The following CSNK1G1 variants were observed in gnomAD, a reference collection of about 807,000 sequenced individuals.
CSNK1G1 encodes casein kinase I isoform gamma-1.
Under a neutral mutation model 59.6 loss-of-function variants are expected in CSNK1G1, and 22 were observed. The observed-to-expected ratio is 0.37, with a 90% CI of 0.26 to 0.53. The LOEUF (loss-of-function observed/expected upper bound fraction) is 0.53, where lower values mean the gene tolerates loss of function less well. Among genes scored for constraint, CSNK1G1 ranks in the 20% least tolerant of loss-of-function variants. The pLI is 0.89. For missense variants in CSNK1G1, 384 were observed against 519.5 expected (o/e 0.74, Z 2.54); for synonymous variants, 179 against 177.1 (o/e 1.01, Z -0.08).
intron 1 of CSNK1G1, among the ~76,000 whole-genome samples, chr15:64,324,675 A>G (rs929575543): frequency 6.6e-6 from 1 of 152,164 alleles, no homozygotes; most frequent in Non-Finnish European, 1.5e-5. Flanking sequence ...TCACCTTGTG[A>G]CTGTGTGAGT....
chr15:64,343,559 C>T (rs180815099), intron 1 of CSNK1G1, among the ~76,000 whole-genome samples: 1 of 152,152 alleles, frequency 6.6e-6, no homozygotes, highest in Admixed American at 6.5e-5. Context: ...AGATCCACTA[C>T]TTTAACTTTA....
Position 64,239,114 on chromosome 15 carries a change from A to G in CSNK1G1, c.292+12398T>C, listed in dbSNP as rs7178147. Reference sequence around the variant, plus strand: ...ACACAGATTCATCACACTCTTCCCAACCGGCACACTAAGACCCAACTGCAG... The same window carrying G: ...ACACAGATTCATCACACTCTTCCCAGCCGGCACACTAAGACCCAACTGCAG... On this transcript the variant is annotated intron_variant, in intron 4 of 11. Coordinates refer to ENST00000303052, the MANE Select transcript of CSNK1G1 (RefSeq NM_022048.5). Among the ~76,000 whole-genome samples, 1,273 of 152,178 alleles carry G rather than the reference A, an allele frequency of 8.4e-3. 18 individuals are homozygous for G. Among genetic ancestry groups the G allele is most frequent in the African/African-American group, 0.029 (1,196 of 41,506 alleles).
chr15:64,231,252 G>A (rs1056890761), intron 4 of CSNK1G1, among the ~76,000 whole-genome samples: 19 of 149,848 alleles, frequency 1.3e-4, no homozygotes, highest in African/African-American at 4.6e-4. Context: ...CTTGAGCCCA[G>A]GAGGTTGAGG....
chr15:64,214,178 C>T lies in CSNK1G1; in HGVS notation c.445-54G>A, dbSNP rs1243804597. On this transcript the variant is annotated intron_variant, in intron 5 of 11. Coordinates refer to ENST00000303052, the MANE Select transcript of CSNK1G1 (RefSeq NM_022048.5). The surrounding 1 kb of genome is among the most constrained non-coding windows in gnomAD (Gnocchi z 4.3). ...TGTAAAGAAGTATATCAGGAAAATA[C>T]ATCAAAACAGTTTCTTTAGCCAGAC... 5 of 1,284,226 alleles carry T rather than the reference C, an allele frequency of 3.9e-6. No individual in the cohort carries two copies. The highest frequency in any genetic ancestry group is 3.7e-4 in the Middle Eastern group (2 of 5,400). 79.6% of individuals were successfully genotyped at this position (1,284,226 alleles called of 1,614,324 possible).
chr15:64,287,787 G>A (rs2094239960), intron 2 of CSNK1G1, among the ~76,000 whole-genome samples: 1 of 152,224 alleles, frequency 6.6e-6, no homozygotes, highest in African/African-American at 2.4e-5. Context: ...ATACACAAAA[G>A]TATGTCAAAT....
At chr15:64,208,337 A>C (rs1283140406) in intron 6 of CSNK1G1, among the ~76,000 whole-genome samples, 2 of 152,196 alleles carry the variant, frequency 1.3e-5, no homozygotes, top group East Asian at 1.9e-4. Flanking sequence ...ATCCCAAAAC[A>C]AAATAAAACA....
At chr15:64,294,943 G>A (rs1364871894) in intron 2 of CSNK1G1, among the ~76,000 whole-genome samples, 6 of 146,236 alleles carry the variant, frequency 4.1e-5, no homozygotes, top group Non-Finnish European at 9.1e-5. Flanking sequence ...AAAGAGGGTC[G>A]GGGGGTGGCC....
At chr15:64,225,535 C>A (rs556810797) in intron 4 of CSNK1G1, among the ~76,000 whole-genome samples, 1 of 152,208 alleles carries the variant, frequency 6.6e-6, no homozygotes, top group South Asian at 2.1e-4. Flanking sequence ...TGGACAGAAT[C>A]CTGCCTCTGA....
In CSNK1G1 at chr15:64,176,026, C is replaced by T. The variant is rs947738014; in HGVS notation, c.1215-4041G>A. Among the ~76,000 whole-genome samples the T allele has an allele frequency of 6.6e-6, 1 of 152,210 alleles. No individual in the cohort carries two copies. Among genetic ancestry groups the T allele is most frequent in the African/African-American group, 2.4e-5 (1 of 41,452 alleles). Reference sequence around the variant, plus strand: ...AGATAATTTTGGATACTGTGGGATACTGTTATGGCAGGAGGAGACAGCGAT... The same window carrying T: ...AGATAATTTTGGATACTGTGGGATATTGTTATGGCAGGAGGAGACAGCGAT... On this transcript the variant is annotated intron_variant, in intron 11 of 11. Transcript: ENST00000303052. This position sits in a 1 kb window ranked among gnomAD's most constrained non-coding sequence, Gnocchi z 5.2.
chr15:64,266,006 T>G, intron 2 of CSNK1G1: 1 of 314,842 alleles, frequency 3.2e-6, no homozygotes, highest in South Asian at 2.7e-5. Context: ...AATGTTTGAG[T>G]CTAGGATCTT....
intron 10 of CSNK1G1, among the ~76,000 whole-genome samples, chr15:64,180,908 T>C (rs1367620421): frequency 6.6e-6 from 1 of 152,200 alleles, no homozygotes; most frequent in East Asian, 1.9e-4. Flanking sequence ...CTTCTAAAGG[T>C]AAAATCACTT....
chr15:64,298,004 A>G (rs1386130941), intron 2 of CSNK1G1, among the ~76,000 whole-genome samples: 1 of 152,216 alleles, frequency 6.6e-6, no homozygotes, highest in Non-Finnish European at 1.5e-5. Context: ...AAAACTTGAT[A>G]AGCAGAGAAG....
intron 1 of CSNK1G1, among the ~76,000 whole-genome samples, chr15:64,346,374 G>A (rs931423255): frequency 6.7e-6 from 1 of 150,242 alleles, no homozygotes; most frequent in African/African-American, 2.4e-5. Context: ...AAAAATTCTT[G>A]AAGATAAATA....
chr15:64,259,523 CAT>C (rs1555398755), intron 2 of CSNK1G1, among the ~76,000 whole-genome samples: 89 of 148,378 alleles, frequency 6.0e-4, no homozygotes, highest in Middle Eastern at 3.5e-3. Flanking sequence ...CACACACACA[CAT>C]GCATGCATAT....
intron 1 of CSNK1G1, among the ~76,000 whole-genome samples, chr15:64,338,721 A>C (rs932619730): frequency 4.2e-5 from 6 of 144,114 alleles, no homozygotes; most frequent in African/African-American, 1.3e-4. Context: ...AAAAAAAAAA[A>C]AAAAAAACAC....
intron 2 of CSNK1G1, among the ~76,000 whole-genome samples, chr15:64,294,912 CAAAAAAA>C (rs937758323): frequency 2.0e-4 from 10 of 51,170 alleles, no homozygotes; most frequent in East Asian, 6.3e-4. Flanking sequence ...AACTTCGTCT[CAAAAAAA>C]AAAAAAAAAA....
intron 4 of CSNK1G1, among the ~76,000 whole-genome samples, chr15:64,229,573 C>T (rs906900649): frequency 6.6e-6 from 1 of 151,916 alleles, no homozygotes; most frequent in African/African-American, 2.4e-5. Flanking sequence ...AAACTGAAAG[C>T]AGCTCAGCCT....
intron 8 of CSNK1G1, 49 bp from the exon 9 acceptor site, chr15:64,204,638 A>G (rs373419544): frequency 3.3e-5 from 52 of 1,586,910 alleles, no homozygotes; most frequent in Non-Finnish European, 4.4e-5. Context: ...AATGCTTTCC[A>G]TAGCAGTTGT....
At chr15:64,295,944 T>G (rs1380616794) in intron 2 of CSNK1G1, among the ~76,000 whole-genome samples, 1 of 152,218 alleles carries the variant, frequency 6.6e-6, no homozygotes, top group South Asian at 2.1e-4. Context: ...GACCCAGTCA[T>G]GTATAACTAA....
Sources: gnomAD v4.1 joint callset for allele counts (sites outside exome capture counted in the v4.1 genomes callset) on GRCh38, gnomAD v4.1.1 for gene constraint, Gnocchi (gnomAD v3.1) non-coding constraint, MANE v1.5 for transcripts, NCBI Gene and HGNC (gene_info 2026-07-23, HGNC 2026-07-21) for gene names.